LUZP2: variants seen among roughly 807,000 people sequenced by gnomAD.
LUZP2 encodes the protein leucine zipper protein 2.
Under a neutral mutation model 51.6 loss-of-function variants are expected in LUZP2, and 52 were observed. The ratio of observed to expected loss-of-function variants is 1.01; its 90% CI spans 0.81 to 1.27. LUZP2 has a LOEUF of 1.27. Among genes scored for constraint, LUZP2 ranks in the 50% most tolerant of loss-of-function variants. The probability of loss-of-function intolerance (pLI) is 0.00; values close to 1 mark genes in which losing one functional copy is unlikely to be tolerated. For missense variants in LUZP2, 436 were observed against 395.4 expected, an observed-to-expected ratio of 1.10 and a Z score of -0.87; for synonymous variants, 154 against 137.3, an observed-to-expected ratio of 1.12 and a Z score of -0.85.
chr11:24,680,111 C>T (rs1856685150), intron 1 of LUZP2, among the ~76,000 whole-genome samples: 1 of 151,930 alleles, frequency 6.6e-6, no homozygotes, highest in Non-Finnish European at 1.5e-5. Context: ...AGGACAAAAG[C>T]TAAGGGAAAG....
intron 5 of LUZP2, among the ~76,000 whole-genome samples, chr11:24,856,748 C>A (rs958571639): frequency 2.0e-5 from 3 of 151,990 alleles, no homozygotes; most frequent in African/African-American, 7.2e-5. Flanking sequence ...AACTTAATGT[C>A]TTATCTTAAA....
chr11:24,775,129 C>A (rs1398945845), intron 5 of LUZP2, among the ~76,000 whole-genome samples: 1 of 151,760 alleles, frequency 6.6e-6, no homozygotes, highest in Non-Finnish European at 1.5e-5. Flanking sequence ...CGACAATAAC[C>A]CAGAAAAGTG....
chr11:24,909,025 T>C (rs1403411396), intron 6 of LUZP2, among the ~76,000 whole-genome samples: 1 of 152,022 alleles, frequency 6.6e-6, no homozygotes, highest in Non-Finnish European at 1.5e-5. Context: ...CCTCCCAAAG[T>C]GCTGGGATTA....
intron 7 of LUZP2, among the ~76,000 whole-genome samples, chr11:24,955,223 CTT>C (rs1399858887): frequency 6.6e-6 from 1 of 152,010 alleles, no homozygotes; most frequent in South Asian, 2.1e-4. Context: ...AATTTGAAGA[CTT>C]TTTTGTCTAT....
intron 5 of LUZP2, among the ~76,000 whole-genome samples, chr11:24,894,918 CAT>C (rs1208478003): frequency 6.6e-6 from 1 of 152,086 alleles, no homozygotes; most frequent in Non-Finnish European, 1.5e-5. Context: ...TTATTAGACA[CAT>C]AGAAAATGAG....
intron 5 of LUZP2, among the ~76,000 whole-genome samples, chr11:24,853,525 C>CT (rs1851458741): frequency 6.6e-6 from 1 of 152,008 alleles, no homozygotes; most frequent in African/African-American, 2.4e-5. Context: ...TTCTTCTAAA[C>CT]TTTTTTTAAG....
chr11:25,014,276 G>A (rs1857074310), intron 9 of LUZP2, among the ~76,000 whole-genome samples: 1 of 152,152 alleles, frequency 6.6e-6, no homozygotes, highest in Non-Finnish European at 1.5e-5. Context: ...GTAATGGGAT[G>A]GCTGAGTCAA....
intron 5 of LUZP2, among the ~76,000 whole-genome samples, chr11:24,810,775 A>G (rs930756413): frequency 6.6e-6 from 1 of 152,158 alleles, no homozygotes; most frequent in African/African-American, 2.4e-5. Context: ...GTCATAAAGG[A>G]AGTAAAGGAT....
At chr11:24,644,297 G>A (rs1051122435) in intron 1 of LUZP2, among the ~76,000 whole-genome samples, 1 of 152,078 alleles carries the variant, frequency 6.6e-6, no homozygotes, top group African/African-American at 2.4e-5. Context: ...CTGCTGTGTT[G>A]GAGCTTTCAG....
At chr11:24,938,613 C>T (rs1240019099) in intron 7 of LUZP2, among the ~76,000 whole-genome samples, 2 of 151,676 alleles carry the variant, frequency 1.3e-5, no homozygotes, top group East Asian at 3.9e-4. Context: ...TATGTTAACT[C>T]AATGTTGCAC....
intron 1 of LUZP2, among the ~76,000 whole-genome samples, chr11:24,551,730 T>A (rs1851730259): frequency 6.6e-6 from 1 of 151,882 alleles, no homozygotes; most frequent in Non-Finnish European, 1.5e-5. Context: ...TAAAATATAA[T>A]AAAGGTATGG....
At chr11:25,035,250 T>G (rs144668471) in intron 9 of LUZP2, among the ~76,000 whole-genome samples, 24 of 152,178 alleles carry the variant, frequency 1.6e-4, no homozygotes, top group Non-Finnish European at 2.8e-4. Context: ...CAAACTATTT[T>G]TCTTTGCTGA....
chr11:24,804,774 C>T (rs187203909), intron 5 of LUZP2, among the ~76,000 whole-genome samples: 152 of 152,244 alleles, frequency 1.0e-3, no homozygotes, highest in Admixed American at 4.5e-3. Context: ...TCTGCTTTCT[C>T]TTCAGATGCC....
intron 1 of LUZP2, among the ~76,000 whole-genome samples, chr11:24,595,788 A>G (rs767021898): frequency 1.4e-4 from 21 of 152,172 alleles, no homozygotes; most frequent in Admixed American, 8.5e-4. Context: ...TGAGACTGAC[A>G]CTGAAATTTA....
intron 4 of LUZP2, among the ~76,000 whole-genome samples, chr11:24,746,729 G>A (rs982497474): frequency 2.6e-5 from 4 of 152,120 alleles, no homozygotes; most frequent in African/African-American, 9.7e-5. Context: ...CAGACTTCTT[G>A]GAGGCTTAGT....
chr11:24,877,498 A>C (rs1360847008), intron 5 of LUZP2, among the ~76,000 whole-genome samples: 1 of 152,158 alleles, frequency 6.6e-6, no homozygotes, highest in East Asian at 1.9e-4. Context: ...TGTGGGGTAC[A>C]TGAGATGTTT....
chr11:24,531,842 G>A (rs1851008932), intron 1 of LUZP2, among the ~76,000 whole-genome samples: 1 of 150,788 alleles, frequency 6.6e-6, no homozygotes, highest in Admixed American at 6.6e-5. Flanking sequence ...CAAAAACTTA[G>A]AAGTCGTCCT....
intron 1 of LUZP2, among the ~76,000 whole-genome samples, chr11:24,535,566 C>T (rs993146341): frequency 4.0e-5 from 6 of 151,486 alleles, no homozygotes; most frequent in African/African-American, 1.5e-4. Flanking sequence ...AGCAACTCTT[C>T]ATTCATTCAT....
intron 9 of LUZP2, among the ~76,000 whole-genome samples, chr11:24,988,991 G>GCCATGGGAGGCAC: frequency 6.6e-6 from 1 of 151,844 alleles, no homozygotes; most frequent in South Asian, 2.1e-4. Flanking sequence ...TAGGGAGGCA[G>GCCATGGGAGGCAC]CCATAGGAGG....
Sources: gnomAD v4.1 joint callset for allele counts (sites outside exome capture counted in the v4.1 genomes callset) on GRCh38, gnomAD v4.1.1 for gene constraint, MANE v1.5 for transcripts, NCBI Gene and HGNC (gene_info 2026-07-23, HGNC 2026-07-21) for gene names.